HTR3B: variants seen among roughly 807,000 people sequenced by gnomAD.
HTR3B encodes the protein 5-hydroxytryptamine receptor 3B.
A neutral mutation model predicts 42.8 loss-of-function variants in HTR3B; 44 were observed. The ratio of observed to expected loss-of-function variants is 1.03; its 90% CI spans 0.81 to 1.32. The LOEUF (loss-of-function observed/expected upper bound fraction) is 1.32. Among genes scored for constraint, HTR3B ranks in the 40% most tolerant of loss-of-function variants. HTR3B has a pLI of 0.00. For missense variants in HTR3B, 527 were observed against 536.5 expected, an observed-to-expected ratio of 0.98 and a Z score of 0.17; for synonymous variants, 203 against 209.0, an observed-to-expected ratio of 0.97 and a Z score of 0.25.
Position 113,945,999 on chromosome 11 carries a change from CCAGA to C in HTR3B, c.1194_1197del (p.Asp399AsnfsTer45). ...TCAGCAACTACCTCCAAACTCAGGA[CCAGA>C]CAGACCAACAGGAGGCAGAGTGGCT... On this transcript the variant is annotated frameshift_variant, in exon 9 of 9. Coordinates refer to ENST00000260191, the MANE Select transcript of HTR3B (RefSeq NM_006028.5). LOFTEE classifies it low-confidence loss of function (END_TRUNC). 1 of 1,614,120 alleles carries C rather than the reference CCAGA, an allele frequency of 6.2e-7. No individual in the cohort carries two copies. Among genetic ancestry groups the C allele is most frequent in the Non-Finnish European group, 8.5e-7 (1 of 1,180,004 alleles).
chr11:113,939,028 C>T (rs1249493516), intron 6 of HTR3B, among the ~76,000 whole-genome samples: 1 of 152,018 alleles, frequency 6.6e-6, no homozygotes, highest in African/African-American at 2.4e-5. Flanking sequence ...GCAACATTGC[C>T]CTTAAATAAC....
At chr11:113,926,736 C>T (rs976423005) in intron 2 of HTR3B, among the ~76,000 whole-genome samples, 13 of 152,074 alleles carry the variant, frequency 8.5e-5, no homozygotes, top group African/African-American at 3.1e-4. Context: ...ACCATGTTGG[C>T]CAGCCTGGTC....
At position 113,916,126 on chromosome 11, in the gene HTR3B, C is replaced by T. The variant is rs149493673; in HGVS notation, c.213+6671C>T. 5.0e-3 allele frequency among the ~76,000 whole-genome samples: 762 copies of T among 152,342 alleles called. 9 individuals carry two copies. The highest frequency in any genetic ancestry group is 0.018 in the African/African-American group (729 of 41,580). ...TAGTGGGATTATAGGCATGAGCCAC[C>T]GTGCCCGGCCCAATCTTTAAAATTT... On this transcript the variant is annotated intron_variant, in intron 2 of 8. Coordinates refer to ENST00000260191, the MANE Select transcript of HTR3B (RefSeq NM_006028.5).
At chr11:113,933,412 A>C (rs531370503) in intron 6 of HTR3B, among the ~76,000 whole-genome samples, 2 of 152,314 alleles carry the variant, frequency 1.3e-5, no homozygotes, top group Non-Finnish European at 2.9e-5. Context: ...ATTGCTACTC[A>C]GAAAAAACAC....
chr11:113,940,473 G>C (rs1950125813), intron 6 of HTR3B, among the ~76,000 whole-genome samples: 1 of 152,222 alleles, frequency 6.6e-6, no homozygotes, highest in Admixed American at 6.5e-5. Context: ...GTCACTGCAT[G>C]ATGACAGGAG....
At chr11:113,925,527 G>T (rs184149196) in intron 2 of HTR3B, among the ~76,000 whole-genome samples, 1 of 146,230 alleles carries the variant, frequency 6.8e-6, no homozygotes, top group Non-Finnish European at 1.5e-5. Flanking sequence ...GGGTTCAAAC[G>T]ATTCTTCTGC....
chr11:113,943,329 G>A, intron 7 of HTR3B, 137 bp downstream of exon 7: 5 of 721,458 alleles, frequency 6.9e-6, no homozygotes, highest in Non-Finnish European at 1.2e-5. Context: ...TTCAGCTCAG[G>A]AGTTCAAGAC....
chr11:113,934,728 T>C (rs1485435219), intron 6 of HTR3B, among the ~76,000 whole-genome samples: 2 of 148,144 alleles, frequency 1.4e-5, no homozygotes, highest in Non-Finnish European at 3.0e-5. Flanking sequence ...TCCACTTTTC[T>C]TGTAAGGAAA....
chr11:113,947,431 A>G lies in HTR3B; in HGVS notation c.*1294A>G, dbSNP rs772981729. On this transcript the variant is annotated 3_prime_UTR_variant, in exon 9 of 9. Transcript: ENST00000260191. Reference sequence around the variant, plus strand: ...TCCACTGTCCCTGAACTAGTCAGCTAGGAAATACTACACACTAAGTTGCTT... The same window carrying G: ...TCCACTGTCCCTGAACTAGTCAGCTGGGAAATACTACACACTAAGTTGCTT... 2.6e-5 allele frequency among the ~76,000 whole-genome samples: 4 copies of G among 152,210 alleles called. No homozygotes were observed. Among genetic ancestry groups the G allele is most frequent in the Non-Finnish European group, 5.9e-5 (4 of 68,032 alleles).
chr11:113,927,918 A>G (rs1416347932), intron 2 of HTR3B, among the ~76,000 whole-genome samples: 1 of 152,108 alleles, frequency 6.6e-6, no homozygotes, highest in African/African-American at 2.4e-5. Context: ...CATGTGCAGG[A>G]TGTGCAGGTT....
intron 2 of HTR3B, among the ~76,000 whole-genome samples, chr11:113,930,801 T>A (rs770776874): frequency 5.0e-4 from 76 of 152,172 alleles, no homozygotes; most frequent in Non-Finnish European, 9.4e-4. Flanking sequence ...GAGGGTTTTT[T>A]AAATTGCTGT....
intron 1 of HTR3B, among the ~76,000 whole-genome samples, chr11:113,908,194 T>A (rs1190059183): frequency 2.6e-5 from 4 of 152,194 alleles, no homozygotes; most frequent in Non-Finnish European, 5.9e-5. Flanking sequence ...AGCGTTTTGG[T>A]CACACTGACA....
chr11:113,915,640 A>C (rs1022472662), intron 2 of HTR3B, among the ~76,000 whole-genome samples: 25 of 152,186 alleles, frequency 1.6e-4, no homozygotes, highest in African/African-American at 5.5e-4. Context: ...AGCCACTATA[A>C]ACATTTGCAT....
At chr11:113,931,199 C>T (rs778532103) in intron 2 of HTR3B, among the ~76,000 whole-genome samples, 185 bp from the exon 3 acceptor site, 1 of 152,000 alleles carries the variant, frequency 6.6e-6, no homozygotes, top group Admixed American at 6.6e-5. Context: ...AAGCTCATAG[C>T]GACAGGTGTG....
chr11:113,947,987 C>T lies in HTR3B; in HGVS notation c.*1850C>T, dbSNP rs1950192231. Among the ~76,000 whole-genome samples the T allele has an allele frequency of 6.6e-6, 1 of 151,882 alleles. No individual in the cohort carries two copies. ...TTTAGAAAAATCTGCCCCCCTCCAT[C>T]CCCCCAAAGAAAAAGAATTTAAATT... is the stretch of plus-strand genomic sequence containing the variant. On this transcript the variant is annotated 3_prime_UTR_variant, in exon 9 of 9. Transcript: ENST00000260191.
intron 2 of HTR3B, among the ~76,000 whole-genome samples, chr11:113,921,900 T>C (rs765708394): frequency 6.6e-6 from 1 of 152,244 alleles, no homozygotes; most frequent in Admixed American, 6.5e-5. Flanking sequence ...TGTCATCATA[T>C]TGAATTTGGC....
chr11:113,901,972 C>T (rs548637591), upstream of HTR3B, among the ~76,000 whole-genome samples: 24 of 152,310 alleles, frequency 1.6e-4, no homozygotes, highest in African/African-American at 5.3e-4. Context: ...CCTAATTCAT[C>T]CCATAAGTAG....
intron 6 of HTR3B, among the ~76,000 whole-genome samples, chr11:113,941,969 G>A (rs1364223698): frequency 2.0e-5 from 3 of 152,162 alleles, no homozygotes; most frequent in East Asian, 1.9e-4. Flanking sequence ...TTTTTGAGCC[G>A]TCTTCAAACT....
intron 2 of HTR3B, among the ~76,000 whole-genome samples, chr11:113,926,556 T>C (rs1949977582): frequency 6.8e-6 from 1 of 146,054 alleles, no homozygotes; most frequent in Admixed American, 7.2e-5. Context: ...TCAGACAGAG[T>C]CTCACTCTGT....
Sources: allele counts gnomAD v4.1 joint callset (sites outside exome capture counted in the v4.1 genomes callset), GRCh38; gene constraint gnomAD v4.1.1; transcripts MANE v1.5; gene names NCBI Gene and HGNC (gene_info 2026-07-23, HGNC 2026-07-21).